The following SNX24 variants were observed in gnomAD, a reference collection of about 807,000 sequenced individuals.
The protein encoded by SNX24 is sorting nexin-24.
SNX24 carries 22 observed loss-of-function variants against 28.7 expected under a neutral mutation model. The observed-to-expected ratio is 0.77, with a 90% CI of 0.55 to 1.10. SNX24 has a LOEUF of 1.10. Ranked by LOEUF, SNX24 falls within the 50% of genes least tolerant of loss-of-function variation. The pLI, the probability that SNX24 is intolerant of heterozygous loss-of-function variation, is 0.00. For synonymous variants in SNX24, 69 were observed against 71.5 expected (o/e 0.96, Z 0.18); for missense variants, 221 against 201.1 (o/e 1.10, Z -0.60).
chr5:122,993,205 G>A (rs1761925930), intron 3 of SNX24, among the ~76,000 whole-genome samples: 1 of 151,894 alleles, frequency 6.6e-6, no homozygotes, highest in African/African-American at 2.4e-5. Context: ...CACACAAAAA[G>A]GGGGATGCAT....
intron 3 of SNX24, among the ~76,000 whole-genome samples, chr5:122,947,925 G>T (rs1759760654): frequency 2.0e-5 from 3 of 152,116 alleles, no homozygotes. Context: ...TTGTACTTCG[G>T]ATATAAATAT....
intron 3 of SNX24, among the ~76,000 whole-genome samples, chr5:122,954,461 T>A (rs1448788102): frequency 2.6e-5 from 4 of 152,020 alleles, no homozygotes; most frequent in Non-Finnish European, 5.9e-5. Flanking sequence ...GTGCTATCAC[T>A]CCATCTTTTT....
chr5:122,888,712 A>C (rs1756822366), intron 1 of SNX24, among the ~76,000 whole-genome samples: 1 of 152,170 alleles, frequency 6.6e-6, no homozygotes, highest in African/African-American at 2.4e-5. Flanking sequence ...TCCCCATTTC[A>C]AGCAGTGGGT....
At chr5:122,932,250 C>T (rs994404173) in intron 1 of SNX24, among the ~76,000 whole-genome samples, 18 of 152,168 alleles carry the variant, frequency 1.2e-4, no homozygotes, top group African/African-American at 4.3e-4. Flanking sequence ...ATCCTTAATA[C>T]ATTTATTTAA....
At chr5:122,890,986 G>A (rs1055225487) in intron 1 of SNX24, 9 of 1,414,738 alleles carry the variant, frequency 6.4e-6, no homozygotes, top group African/African-American at 4.4e-5. Flanking sequence ...ATAAGAGTAT[G>A]AAGTGAAAAC....
Position 122,995,053 on chromosome 5 carries a change from G to A in SNX24, c.250-4859G>A, listed in dbSNP as rs114945896. ...TATATTCCTAAATGACAGATTGGAT[G>A]GAAATTTCTTTAGTGCATTTCTCTG... On this transcript the variant is annotated intron_variant, in intron 3 of 6. Coordinates refer to ENST00000261369, the MANE Select transcript of SNX24 (RefSeq NM_014035.4). Among the ~76,000 whole-genome samples, 1,257 of 152,194 alleles carry A rather than the reference G, an allele frequency of 8.3e-3. 18 individuals are homozygous for A. Among genetic ancestry groups the A allele is most frequent in the African/African-American group, 0.029 (1,192 of 41,510 alleles).
chr5:122,845,743 T>C, intron 1 of SNX24, 50 bp downstream of exon 1: 1 of 1,193,492 alleles, frequency 8.4e-7, no homozygotes, highest in Non-Finnish European at 1.1e-6. Flanking sequence ...GGCCTGCGGC[T>C]GCTGCGCCCA....
intron 3 of SNX24, among the ~76,000 whole-genome samples, chr5:122,989,199 TA>T (rs1261015682): frequency 6.6e-6 from 1 of 152,196 alleles, no homozygotes; most frequent in African/African-American, 2.4e-5. Context: ...AGGACTTAAC[TA>T]AAAGTGAGTT....
chr5:122,964,581 A>G (rs1561665822), intron 3 of SNX24, among the ~76,000 whole-genome samples: 1 of 152,172 alleles, frequency 6.6e-6, no homozygotes, highest in Non-Finnish European at 1.5e-5. Flanking sequence ...AAAATGTACC[A>G]TATGCATTTA....
At chr5:123,004,488 T>A (rs891925240) in intron 6 of SNX24, among the ~76,000 whole-genome samples, 1 of 152,212 alleles carries the variant, frequency 6.6e-6, no homozygotes, top group African/African-American at 2.4e-5. Flanking sequence ...CTGACCAGAA[T>A]GCTGTCATAG....
intron 3 of SNX24, among the ~76,000 whole-genome samples, chr5:122,969,934 C>G (rs1044365919): frequency 6.6e-6 from 1 of 152,026 alleles, no homozygotes; most frequent in South Asian, 2.1e-4. Context: ...CCACGGGCCT[C>G]TCTTGTACTA....
At chr5:123,018,912 C>G (rs968377734) in intron 5 of SNX24, among the ~76,000 whole-genome samples, 3 of 152,146 alleles carry the variant, frequency 2.0e-5, no homozygotes, top group African/African-American at 7.2e-5. Flanking sequence ...GTCTCGAACT[C>G]CTGACCTTGT....
chr5:122,864,800 G>C (rs1032782092), intron 1 of SNX24, among the ~76,000 whole-genome samples: 2 of 152,242 alleles, frequency 1.3e-5, no homozygotes, highest in Non-Finnish European at 2.9e-5. Context: ...GCCTCCAGCT[G>C]CATGACTCCT....
chr5:122,855,997 A>G (rs932281292), intron 1 of SNX24, among the ~76,000 whole-genome samples: 10 of 152,176 alleles, frequency 6.6e-5, no homozygotes, highest in Admixed American at 1.3e-4. Context: ...TCGGGGGTAC[A>G]TGTGCAGGTT....
At chr5:122,879,030 A>C (rs895701606) in intron 1 of SNX24, among the ~76,000 whole-genome samples, 1 of 152,198 alleles carries the variant, frequency 6.6e-6, no homozygotes, top group Non-Finnish European at 1.5e-5. Flanking sequence ...GAGATTTAAA[A>C]ATTTTTAGTG....
intron 5 of SNX24, chr5:123,029,061 G>C: frequency 2.4e-6 from 2 of 817,624 alleles, no homozygotes; most frequent in Non-Finnish European, 3.7e-6. Context: ...TGGAAGTAGA[G>C]TATTAATGTG....
intron 2 of SNX24, among the ~76,000 whole-genome samples, chr5:122,943,101 T>G (rs935211547): frequency 6.6e-6 from 1 of 152,210 alleles, no homozygotes; most frequent in Non-Finnish European, 1.5e-5. Context: ...CTTGTTATTA[T>G]GGAGAACTGC....
intron 1 of SNX24, among the ~76,000 whole-genome samples, chr5:122,851,011 G>C (rs908076376): frequency 1.3e-5 from 2 of 152,174 alleles, no homozygotes; most frequent in Non-Finnish European, 1.5e-5. Context: ...ATGGACAGCA[G>C]TCCATTCTAA....
chr5:122,896,041 C>G (rs1051733981), intron 1 of SNX24, among the ~76,000 whole-genome samples: 7 of 151,980 alleles, frequency 4.6e-5, no homozygotes, highest in African/African-American at 1.7e-4. Flanking sequence ...CCCAGCTACT[C>G]GAGAGGCTGA....
Sources: gnomAD v4.1 joint callset for allele counts (sites outside exome capture counted in the v4.1 genomes callset) on GRCh38, gnomAD v4.1.1 for gene constraint, MANE v1.5 for transcripts, NCBI Gene and HGNC (gene_info 2026-07-23, HGNC 2026-07-21) for gene names.